The following TNKS variants were observed in gnomAD, a reference collection of about 807,000 sequenced individuals.
The protein encoded by TNKS is poly [ADP-ribose] polymerase tankyrase-1.
A neutral mutation model predicts 135.8 loss-of-function variants in TNKS; 72 were observed. The observed-to-expected ratio is 0.53, with a 90% CI of 0.44 to 0.64. The LOEUF (loss-of-function observed/expected upper bound fraction) is 0.64, where lower values mean the gene tolerates loss of function less well. Among genes scored for constraint, TNKS ranks in the 30% least tolerant of loss-of-function variants. The pLI is 0.00. For missense variants in TNKS, 1,769 were observed against 1,674.0 expected (o/e 1.06, Z -0.99); for synonymous variants, 849 against 649.3 (o/e 1.31, Z -4.68).
intron 11 of TNKS, among the ~76,000 whole-genome samples, chr8:9,720,067 C>T (rs927729391): frequency 6.6e-6 from 1 of 151,996 alleles, no homozygotes; most frequent in Non-Finnish European, 1.5e-5. Flanking sequence ...AAATACCAGA[C>T]CAGAGTTGCT....
intron 14 of TNKS, 110 bp from the exon 15 acceptor site, chr8:9,733,169 C>T: frequency 1.1e-6 from 1 of 897,454 alleles, no homozygotes; most frequent in African/African-American, 1.7e-5. Context: ...TCTTTTTGCG[C>T]AGTGTTCAGT....
At chr8:9,754,308 C>T (rs1806720555) in intron 20 of TNKS, among the ~76,000 whole-genome samples, 1 of 152,020 alleles carries the variant, frequency 6.6e-6, no homozygotes, top group African/African-American at 2.4e-5. Context: ...CAATCACCCA[C>T]CTCTACACAT....
intron 26 of TNKS, among the ~76,000 whole-genome samples, chr8:9,770,501 C>G (rs1807763255): frequency 6.6e-6 from 1 of 152,224 alleles, no homozygotes; most frequent in South Asian, 2.1e-4. Context: ...AGCTGAGAAA[C>G]AAAGGCTTGG....
chr8:9,591,263 T>C (rs1360358077), intron 2 of TNKS, among the ~76,000 whole-genome samples: 1 of 152,246 alleles, frequency 6.6e-6, no homozygotes, highest in African/African-American at 2.4e-5. Flanking sequence ...TTTGGCTAAA[T>C]GTTTGTGAGT....
chr8:9,631,260 G>A (rs1585253935), intron 3 of TNKS, among the ~76,000 whole-genome samples: 1 of 152,318 alleles, frequency 6.6e-6, no homozygotes, highest in East Asian at 1.9e-4. Flanking sequence ...CAAAAGGGAT[G>A]TGATCTTCTC....
intron 3 of TNKS, among the ~76,000 whole-genome samples, chr8:9,674,472 G>GTTACCA (rs1169497166): frequency 1.3e-5 from 2 of 152,144 alleles, no homozygotes; most frequent in Non-Finnish European, 2.9e-5. Flanking sequence ...GGTTATTAGG[G>GTTACCA]TAAAAGGTAA....
At chr8:9,632,817 C>T (rs999909755) in intron 3 of TNKS, among the ~76,000 whole-genome samples, 1 of 152,178 alleles carries the variant, frequency 6.6e-6, no homozygotes, top group Non-Finnish European at 1.5e-5. Flanking sequence ...GCAAGCTCCG[C>T]CTCCCGGGTT....
chr8:9,734,851 TTTC>T lies in TNKS; in HGVS notation c.2314-8_2314-6del. The T allele has an allele frequency of 6.2e-7, 1 of 1,604,088 alleles. No individual in the cohort carries two copies. The highest frequency in any genetic ancestry group is 8.5e-7 in the Non-Finnish European group (1 of 1,175,234). On this transcript the variant is annotated splice_polypyrimidine_tract_variant and intron_variant, in intron 15 of 26. Transcript: ENST00000310430. Reference sequence around the variant, plus strand: ...CAGAAAATACAAACCCCATTTGGTTTTTCTTCTTTGTAGCATGGAGCAGATCCA... The same window carrying T: ...CAGAAAATACAAACCCCATTTGGTTTTTCTTTGTAGCATGGAGCAGATCCA...
chr8:9,566,796 G>T (rs1398598123), intron 1 of TNKS, among the ~76,000 whole-genome samples: 1 of 151,148 alleles, frequency 6.6e-6, no homozygotes, highest in Non-Finnish European at 1.5e-5. Context: ...TTTTAGTAGA[G>T]ACGGGGTTTC....
chr8:9,629,296 A>T (rs1472125980), intron 3 of TNKS, among the ~76,000 whole-genome samples: 2 of 152,228 alleles, frequency 1.3e-5, no homozygotes, highest in Non-Finnish European at 2.9e-5. Flanking sequence ...GAGGAGTGAC[A>T]TTGCAGCCCA....
intron 2 of TNKS, among the ~76,000 whole-genome samples, chr8:9,584,789 G>C (rs941752520): frequency 2.6e-5 from 4 of 152,186 alleles, no homozygotes; most frequent in African/African-American, 9.7e-5. Context: ...AAGAGTGAAG[G>C]AGACAGAGTA....
At chr8:9,625,924 C>G (rs905270297) in intron 3 of TNKS, among the ~76,000 whole-genome samples, 1 of 152,044 alleles carries the variant, frequency 6.6e-6, no homozygotes, top group South Asian at 2.1e-4. Context: ...TTAATAGATT[C>G]TGTTGGTTGA....
intron 2 of TNKS, among the ~76,000 whole-genome samples, chr8:9,585,929 G>A (rs1798361935): frequency 6.6e-6 from 1 of 152,140 alleles, no homozygotes; most frequent in Admixed American, 6.5e-5. Context: ...AAAGAGACCT[G>A]TTCCTTGAGT....
At chr8:9,773,238 T>C (rs561143335) in intron 26 of TNKS, among the ~76,000 whole-genome samples, 18 of 152,146 alleles carry the variant, frequency 1.2e-4, no homozygotes, top group African/African-American at 4.1e-4. Flanking sequence ...CACTGTCTTA[T>C]CACAATAAAA....
chr8:9,565,587 G>A (rs924857883), intron 1 of TNKS, among the ~76,000 whole-genome samples: 2 of 152,114 alleles, frequency 1.3e-5, no homozygotes, highest in East Asian at 1.9e-4. Flanking sequence ...CCAGCCAGGC[G>A]TGGTGGCTCA....
intron 12 of TNKS, among the ~76,000 whole-genome samples, chr8:9,725,115 C>G (rs1053061150): frequency 6.6e-6 from 1 of 152,016 alleles, no homozygotes. Context: ...CCTATAAATG[C>G]GGTAGTGTAT....
intron 2 of TNKS, among the ~76,000 whole-genome samples, chr8:9,598,312 G>T (rs1271617918): frequency 6.6e-6 from 1 of 152,054 alleles, no homozygotes; most frequent in Non-Finnish European, 1.5e-5. Context: ...GTCCCAAAGT[G>T]CTGGGATTAC....
chr8:9,771,506 A>AG (rs1807862547), intron 26 of TNKS, among the ~76,000 whole-genome samples: 1 of 133,266 alleles, frequency 7.5e-6, no homozygotes. Flanking sequence ...AGGGAAGGAA[A>AG]GAACGGGAGA....
chr8:9,637,968 T>C (rs1356387389), intron 3 of TNKS, among the ~76,000 whole-genome samples: 4 of 152,160 alleles, frequency 2.6e-5, no homozygotes, highest in Admixed American at 2.0e-4. Flanking sequence ...ATTATTATTA[T>C]TTACTTATAC....
Sources: allele counts gnomAD v4.1 joint callset (sites outside exome capture counted in the v4.1 genomes callset), GRCh38; gene constraint gnomAD v4.1.1; transcripts MANE v1.5; gene names NCBI Gene and HGNC (gene_info 2026-07-23, HGNC 2026-07-21).